The following MAF variants were observed in gnomAD, a reference collection of about 807,000 sequenced individuals.
MAF encodes MAF bZIP transcription factor, also known as transcription factor Maf.
Under a neutral mutation model 22.0 loss-of-function variants are expected in MAF, and 10 were observed. The ratio of observed to expected loss-of-function variants is 0.45; its 90% CI spans 0.28 to 0.77. The LOEUF (loss-of-function observed/expected upper bound fraction) is 0.77, where lower values mean the gene tolerates loss of function less well. Among genes scored for constraint, MAF ranks in the 30% least tolerant of loss-of-function variants. The probability of loss-of-function intolerance (pLI) is 0.12; values close to 1 mark genes in which losing one functional copy is unlikely to be tolerated. For missense variants in MAF, 544 were observed against 548.4 expected (o/e 0.99, Z 0.08); for synonymous variants, 337 against 255.8 (o/e 1.32, Z -3.03).
chr16:79,556,067 T>C, the MAF span, among the ~76,000 whole-genome samples: 1 of 152,316 alleles, frequency 6.6e-6, no homozygotes, highest in Non-Finnish European at 1.5e-5. Flanking sequence ...TTGTTTATAA[T>C]ATATTTAGTT....
chr16:79,227,933 T>C, the MAF span, among the ~76,000 whole-genome samples: 1 of 152,126 alleles, frequency 6.6e-6, no homozygotes, highest in African/African-American at 2.4e-5. Flanking sequence ...AGACAGGGTC[T>C]TTCTCTGTCA....
chr16:79,318,034 A>C, the MAF span, among the ~76,000 whole-genome samples: 23 of 152,314 alleles, frequency 1.5e-4, 1 homozygote, highest in South Asian at 4.4e-3. Flanking sequence ...TTTATGGCCT[A>C]GCTGAGGAGT....
the MAF span, among the ~76,000 whole-genome samples, chr16:79,442,934 G>C: frequency 2.0e-5 from 3 of 152,308 alleles, no homozygotes; most frequent in East Asian, 5.8e-4. Context: ...TGATTTTCAG[G>C]AGGCATTGGT....
chr16:79,515,617 A>C, the MAF span, among the ~76,000 whole-genome samples: 1 of 152,156 alleles, frequency 6.6e-6, no homozygotes, highest in African/African-American at 2.4e-5. Flanking sequence ...ATGGTTTATA[A>C]AGCTATAGCC....
the MAF span, among the ~76,000 whole-genome samples, chr16:79,346,548 C>T: frequency 6.6e-6 from 1 of 152,096 alleles, no homozygotes; most frequent in Admixed American, 6.5e-5. Flanking sequence ...AAATAATGCC[C>T]TCCAAGGCAT....
the MAF span, among the ~76,000 whole-genome samples, chr16:79,356,564 C>A: frequency 6.6e-6 from 1 of 152,120 alleles, no homozygotes; most frequent in Admixed American, 6.5e-5. Context: ...AGATTCACAC[C>A]CCTAGGTCTC....
chr16:79,244,218 C>G, the MAF span, among the ~76,000 whole-genome samples: 1 of 151,962 alleles, frequency 6.6e-6, no homozygotes, highest in Non-Finnish European at 1.5e-5. Context: ...CTGGCCAGGA[C>G]AATCAGACAA....
the MAF span, among the ~76,000 whole-genome samples, chr16:79,380,573 T>A: frequency 2.0e-5 from 3 of 152,372 alleles, no homozygotes; most frequent in African/African-American, 7.2e-5. Context: ...ACTGCTATGA[T>A]ATATTCTTTC....
At chr16:79,284,850 C>A in the MAF span, among the ~76,000 whole-genome samples, 1 of 152,122 alleles carries the variant, frequency 6.6e-6, no homozygotes, top group African/African-American at 2.4e-5. Flanking sequence ...GTCACCTGGA[C>A]TCGTTAAAAA....
the MAF span, among the ~76,000 whole-genome samples, chr16:79,445,015 A>G: frequency 1.3e-5 from 2 of 152,158 alleles, no homozygotes; most frequent in African/African-American, 4.8e-5. Context: ...ACATTGAAAC[A>G]CATAAAGATT....
chr16:79,374,456 C>T, the MAF span, among the ~76,000 whole-genome samples: 14 of 152,302 alleles, frequency 9.2e-5, no homozygotes, highest in East Asian at 3.9e-4. Flanking sequence ...TCCTGAATTG[C>T]GGCAATTGCT....
chr16:79,379,741 G>C, the MAF span, among the ~76,000 whole-genome samples: 1 of 152,134 alleles, frequency 6.6e-6, no homozygotes, highest in African/African-American at 2.4e-5. Context: ...ATGCAAGGAA[G>C]GGCAGCCTTG....
the MAF span, among the ~76,000 whole-genome samples, chr16:79,243,153 G>C: frequency 2.0e-5 from 3 of 151,928 alleles, no homozygotes; most frequent in African/African-American, 7.2e-5. Flanking sequence ...AGAGAAGCAA[G>C]AGCAAACAAA....
chr16:79,325,141 C>T, the MAF span, among the ~76,000 whole-genome samples: 5 of 152,286 alleles, frequency 3.3e-5, no homozygotes, highest in African/African-American at 1.2e-4. Flanking sequence ...ACTCTTTTTA[C>T]AAATAAGGTC....
chr16:79,373,359 C>CTTTTTTT, the MAF span, among the ~76,000 whole-genome samples: 70 of 33,326 alleles, frequency 2.1e-3, 25 homozygotes, highest in Admixed American at 3.0e-3. Context: ...GGACTGGTAG[C>CTTTTTTT]TTTTTTTTTT....
the MAF span, among the ~76,000 whole-genome samples, chr16:79,386,152 G>A: frequency 9.2e-5 from 14 of 152,306 alleles, no homozygotes; most frequent in Admixed American, 7.2e-4. Flanking sequence ...ATGGGTTGTT[G>A]AGGGCATAGT....
the MAF span, among the ~76,000 whole-genome samples, chr16:79,376,855 A>T: frequency 6.6e-6 from 1 of 152,224 alleles, no homozygotes; most frequent in Non-Finnish European, 1.5e-5. Context: ...ACATGAACTC[A>T]TCATTTTTTA....
At chr16:79,485,876 T>G in the MAF span, among the ~76,000 whole-genome samples, 3 of 152,150 alleles carry the variant, frequency 2.0e-5, no homozygotes, top group Non-Finnish European at 4.4e-5. Flanking sequence ...ATTAGCAAAT[T>G]AGCAGAAAGG....
the MAF span, among the ~76,000 whole-genome samples, chr16:79,219,834 C>T: frequency 6.6e-6 from 1 of 152,196 alleles, no homozygotes; most frequent in East Asian, 1.9e-4. Flanking sequence ...GTGGGAATTC[C>T]ATTGGTAATT....
Sources: allele counts gnomAD v4.1 joint callset (sites outside exome capture counted in the v4.1 genomes callset), GRCh38; gene constraint gnomAD v4.1.1; transcripts MANE v1.5; gene names NCBI Gene and HGNC (gene_info 2026-07-23, HGNC 2026-07-21).